Variants in PTH2R observed in about 807,000 individuals in gnomAD.
PTH2R encodes the protein PTH2 receptor.
In PTH2R, 59 loss-of-function variants were observed where a neutral mutation model predicts 60.3. The ratio of observed to expected loss-of-function variants is 0.98; its 90% CI spans 0.79 to 1.22. The LOEUF is 1.22. Ranked by LOEUF, PTH2R falls within the 50% of genes most tolerant of loss-of-function variation. The probability of loss-of-function intolerance (pLI) is 0.00; values close to 1 mark genes in which losing one functional copy is unlikely to be tolerated. For synonymous variants in PTH2R, 256 were observed against 243.8 expected, an observed-to-expected ratio of 1.05 and a Z score of -0.47; for missense variants, 749 against 682.6, an observed-to-expected ratio of 1.10 and a Z score of -1.08.
intron 1 of PTH2R, among the ~76,000 whole-genome samples, chr2:208,365,960 ATTTTTTTTTTTTTTTTTTT>A (rs1172950601): frequency 3.7e-4 from 6 of 16,110 alleles, no homozygotes; most frequent in East Asian, 2.3e-3. Context: ...ATATATATAT[ATTTTTTTTTTTTTTTTTTT>A]TTTTTTTTTT....
chr2:208,384,504 C>T (rs1179458760), intron 1 of PTH2R, among the ~76,000 whole-genome samples: 1 of 152,150 alleles, frequency 6.6e-6, no homozygotes, highest in Non-Finnish European at 1.5e-5. Context: ...CATTCTATTA[C>T]CTCTCCCTCA....
upstream of PTH2R, among the ~76,000 whole-genome samples, chr2:208,402,105 C>G (rs911797752): frequency 3.3e-5 from 5 of 152,172 alleles, no homozygotes; most frequent in African/African-American, 1.2e-4. Flanking sequence ...CCTATTTTTA[C>G]CAACAAGGCA....
chr2:208,463,506 G>C (rs1202981745), intron 9 of PTH2R, among the ~76,000 whole-genome samples: 1 of 151,982 alleles, frequency 6.6e-6, no homozygotes, highest in Non-Finnish European at 1.5e-5. Context: ...GCTGGCCTTG[G>C]GCAAGTTATT....
intron 1 of PTH2R, 51 bp downstream of exon 1, chr2:208,407,169 A>T (rs745829954): frequency 1.4e-6 from 2 of 1,385,532 alleles, no homozygotes; most frequent in East Asian, 5.6e-5. Context: ...TCCGGCGGGG[A>T]CTCAGCTTTA....
At chr2:208,488,882 A>G (rs6726003) in intron 10 of PTH2R, 130 bp from the exon 11 acceptor site, 630,509 of 951,690 alleles carry the variant, frequency 0.66, 215,087 homozygotes, top group Admixed American at 0.73. Flanking sequence ...CCCTGTCTCA[A>G]GAAAAGATAA....
At chr2:208,409,073 A>G (rs1701486897) in intron 1 of PTH2R, among the ~76,000 whole-genome samples, 2 of 152,210 alleles carry the variant, frequency 1.3e-5, no homozygotes, top group Non-Finnish European at 2.9e-5. Context: ...TTGGAAGGCA[A>G]AATCACTCCT....
intron 7 of PTH2R, among the ~76,000 whole-genome samples, chr2:208,449,440 T>TAGAC (rs1559223736): frequency 6.6e-6 from 1 of 150,876 alleles, no homozygotes; most frequent in Non-Finnish European, 1.5e-5. Flanking sequence ...AGAAATGTGA[T>TAGAC]AGATAGATAG....
chr2:208,435,707 A>AGCC lies in PTH2R; in HGVS notation c.179-1830_179-1829insGCC, dbSNP rs1345140833. 3.9e-5 allele frequency among the ~76,000 whole-genome samples: 6 copies of AGCC among 152,272 alleles called. No homozygotes were observed. In the East Asian group the frequency reaches 9.7e-4, roughly 25 times the overall value. ...ACCACCCAAGTGAACAAGGAGACAG[A>AGCC]TCCTCCCTCAGAGCCTCCAGAGAGG... is the stretch of plus-strand genomic sequence containing the variant. On this transcript the variant is annotated intron_variant, in intron 2 of 12. Coordinates refer to ENST00000272847, the MANE Select transcript of PTH2R (RefSeq NM_005048.4).
At chr2:208,440,321 T>G (rs1702156967) in intron 4 of PTH2R, among the ~76,000 whole-genome samples, 1 of 152,224 alleles carries the variant, frequency 6.6e-6, no homozygotes. Flanking sequence ...AGTGTTTCTT[T>G]CTGATTGGTT....
At chr2:208,456,797 A>G (rs1454052025) in intron 8 of PTH2R, among the ~76,000 whole-genome samples, 1 of 152,238 alleles carries the variant, frequency 6.6e-6, no homozygotes, top group Non-Finnish European at 1.5e-5. Context: ...GTTAACAAAG[A>G]CAGTGTGAGT....
rs369427886 is a variant in PTH2R at position 208,457,125 on chromosome 2, C to T, written c.915-2770C>T. On this transcript the variant is annotated intron_variant, in intron 8 of 12. Transcript: ENST00000272847. ...AACTGAAAAGAAAATTTAGGGAATC[C>T]GAAAGCCTTGTAGCTTAGATCTTGG... Among the ~76,000 whole-genome samples the T allele has an allele frequency of 3.5e-4, 53 of 152,234 alleles. 1 individual carries two copies. The highest frequency in any genetic ancestry group is 1.4e-4 in the African/African-American group (6 of 41,552).
At chr2:208,369,617 CAA>C (rs1308654491) in intron 1 of PTH2R, among the ~76,000 whole-genome samples, 4 of 152,000 alleles carry the variant, frequency 2.6e-5, no homozygotes, top group African/African-American at 9.7e-5. Flanking sequence ...CTCGGCCTCC[CAA>C]AGTGCTGGGA....
At chr2:208,450,848 G>A (rs1370371) in intron 8 of PTH2R, 39 bp downstream of exon 8, 988,288 of 1,598,592 alleles carry the variant, frequency 0.62, 312,756 homozygotes, top group East Asian at 0.88. Context: ...AACCTCAGAT[G>A]TTCTCAAGAC....
rs574100934 is a variant in PTH2R, at chr2:208,374,677, A to AT, written c.-259+14448dup. ...TCAACCACGCCTGGCTAAGTTTTGT[A>AT]TTTTTTTTAGTAGAGATGGGGTTTC... On this transcript the variant is annotated intron_variant, in intron 1 of 12. Coordinates refer to the PTH2R transcript ENST00000617735. Among the ~76,000 whole-genome samples, 171 of 151,414 alleles carry AT rather than the reference A, an allele frequency of 1.1e-3. 1 individual carries two copies. Among genetic ancestry groups the AT allele is most frequent in the Non-Finnish European group, 1.2e-3 (80 of 67,834 alleles).
At position 208,437,517 on chromosome 2, in the gene PTH2R, T is replaced by C. The variant is rs1702097394; in HGVS notation, c.179-20T>C. On this transcript the variant is annotated intron_variant, in intron 2 of 12. Transcript: ENST00000272847. ...TACATTTTTCTTTGTTTATTTGCTTTAATTTTTTTTTCTCATTAGAAGGTA... is the reference window on the plus strand; with the variant it reads ...TACATTTTTCTTTGTTTATTTGCTTCAATTTTTTTTTCTCATTAGAAGGTA... 6.4e-7 allele frequency: 1 copy of C among 1,565,434 alleles called. No homozygotes were observed. The highest frequency in any genetic ancestry group is 8.7e-7 in the Non-Finnish European group (1 of 1,154,528).
rs545641015 is a variant in PTH2R, at chr2:208,377,366, C to T, written c.-259+17129C>T. Among the ~76,000 whole-genome samples the T allele has an allele frequency of 1.2e-3, 187 of 152,244 alleles. 1 individual carries two copies. The highest frequency in any genetic ancestry group is 4.2e-3 in the African/African-American group (173 of 41,486). On this transcript the variant is annotated intron_variant, in intron 1 of 12. Transcript: ENST00000617735. The stretch of plus-strand genomic sequence containing the variant: ...AAAAACCGCCATCGTCATCATGGCC[C>T]GTTCTCAATGAGCTGTTGGGTACAC...
intron 11 of PTH2R, among the ~76,000 whole-genome samples, 181 bp from the exon 12 acceptor site, chr2:208,490,458 G>A (rs556596629): frequency 3.3e-4 from 50 of 152,304 alleles, no homozygotes; most frequent in Admixed American, 8.5e-4. Flanking sequence ...ACCAAGGAAA[G>A]ACGTCAAACA....
intron 1 of PTH2R, among the ~76,000 whole-genome samples, chr2:208,422,122 G>A (rs147002694): frequency 6.6e-6 from 1 of 152,302 alleles, no homozygotes; most frequent in East Asian, 1.9e-4. Context: ...CTCATTTTGA[G>A]GGCTAGAGAA....
intron 2 of PTH2R, among the ~76,000 whole-genome samples, chr2:208,429,963 G>A (rs970533295): frequency 1.3e-5 from 2 of 152,104 alleles, no homozygotes; most frequent in East Asian, 3.8e-4. Context: ...AAAATCTCAT[G>A]TGGGCTGTCT....
Sources: allele counts gnomAD v4.1 joint callset (sites outside exome capture counted in the v4.1 genomes callset), GRCh38; gene constraint gnomAD v4.1.1; transcripts MANE v1.5; gene names NCBI Gene and HGNC (gene_info 2026-07-23, HGNC 2026-07-21).